The following C2CD3 variants were observed in gnomAD, a reference collection of about 807,000 sequenced individuals.
The protein encoded by C2CD3 is C2 domain containing 3 centriole elongation regulator.
Under a neutral mutation model 234.0 loss-of-function variants are expected in C2CD3, and 148 were observed. The ratio of observed to expected loss-of-function variants is 0.63; its 90% CI spans 0.55 to 0.72. C2CD3 has a LOEUF of 0.72. Ranked by LOEUF, C2CD3 falls within the 30% of genes least tolerant of loss-of-function variation. The probability of loss-of-function intolerance (pLI) is 0.00; values close to 1 mark genes in which losing one functional copy is unlikely to be tolerated. For missense variants in C2CD3, 2,577 were observed against 2,811.5 expected, an observed-to-expected ratio of 0.92 and a Z score of 1.89; for synonymous variants, 1,000 against 1,035.4, an observed-to-expected ratio of 0.97 and a Z score of 0.66.
chr11:74,086,514 T>C (rs1955649279), intron 20 of C2CD3, among the ~76,000 whole-genome samples: 1 of 152,216 alleles, frequency 6.6e-6, no homozygotes, highest in African/African-American at 2.4e-5. Context: ...GATGGAGCTG[T>C]CTTGTTTTTG....
intron 22 of C2CD3, among the ~76,000 whole-genome samples, chr11:74,079,186 T>C (rs1434151521): frequency 2.0e-5 from 3 of 152,216 alleles, no homozygotes; most frequent in African/African-American, 4.8e-5. Flanking sequence ...CCAAGTCTTC[T>C]ATCAAGGGAA....
intron 32 of C2CD3, among the ~76,000 whole-genome samples, chr11:74,026,930 C>A (rs1217971899): frequency 1.4e-5 from 2 of 142,898 alleles, no homozygotes; most frequent in African/African-American, 5.3e-5. Context: ...GAGATCACAC[C>A]ACTACATTCC....
rs1199002239 is a variant in C2CD3, at chr11:74,061,903, G to C, written c.4952-4359C>G. Among the ~76,000 whole-genome samples the C allele has an allele frequency of 2.6e-5, 4 of 152,036 alleles. No individual in the cohort carries two copies. In the East Asian group the frequency reaches 5.8e-4, roughly 22 times the overall value. Reference sequence around the variant, plus strand: ...ATCTCACGTGCAGAGACACATACAGGCTCAAAATAAAGGGATGGAGGAAGA... The same window carrying C: ...ATCTCACGTGCAGAGACACATACAGCCTCAAAATAAAGGGATGGAGGAAGA... On this transcript the variant is annotated intron_variant, in intron 24 of 32. Transcript: ENST00000334126.
chr11:74,111,850 A>T (rs749828910), intron 11 of C2CD3, among the ~76,000 whole-genome samples: 19 of 151,274 alleles, frequency 1.3e-4, no homozygotes, highest in Non-Finnish European at 1.9e-4. Flanking sequence ...GGCCCAAGAC[A>T]ATTCTTCTTC....
chr11:74,037,435 C>G, intron 30 of C2CD3, 43 bp downstream of exon 30: 2 of 1,467,798 alleles, frequency 1.4e-6, no homozygotes, highest in Non-Finnish European at 1.9e-6. Flanking sequence ...GAATTAGCAC[C>G]TAGTGACCAT....
intron 22 of C2CD3, among the ~76,000 whole-genome samples, chr11:74,082,185 C>G (rs1199802993): frequency 1.4e-5 from 2 of 147,904 alleles, no homozygotes; most frequent in Non-Finnish European, 3.0e-5. Flanking sequence ...TGCAGTGGTG[C>G]GATCTCTAAA....
intron 3 of C2CD3, among the ~76,000 whole-genome samples, chr11:74,145,558 T>C (rs1855124944): frequency 6.6e-6 from 1 of 152,222 alleles, no homozygotes; most frequent in Non-Finnish European, 1.5e-5. Flanking sequence ...TTTAGATTAA[T>C]TGTCCCAGTT....
In C2CD3 at chr11:74,085,690, C is replaced by T; in HGVS notation, c.3838G>A (p.Ala1280Thr). 6.2e-7 allele frequency: 1 copy of T among 1,614,066 alleles called. No homozygotes were observed. The highest frequency in any genetic ancestry group is 8.5e-7 in the Non-Finnish European group (1 of 1,180,016). ...NLVTQHCSGEACFLAELLEFA... is the reference protein window; with the variant it reads ...NLVTQHCSGETCFLAELLEFA... ...TCCAACAACTCTGCTAGGAAACAGG[C>T]CTCTCCACTACAGTGCTGAGTCACC... The change falls in exon 21 of 33, where the codon GCC (alanine) becomes ACC (threonine). Residue 1280 changes from alanine (A) to threonine (T), a missense_variant. By Grantham distance (58) the Ala-to-Thr change is moderately conservative. Coordinates refer to ENST00000334126, the MANE Select transcript of C2CD3 (RefSeq NM_001286577.2).
intron 13 of C2CD3, among the ~76,000 whole-genome samples, 165 bp from the exon 14 acceptor site, chr11:74,103,790 A>G (rs761265772): frequency 6.6e-5 from 10 of 152,236 alleles, no homozygotes; most frequent in Non-Finnish European, 5.9e-5. Context: ...AACTTGCTAG[A>G]CTAAGAAAAA....
intron 23 of C2CD3, 114 bp from the exon 24 acceptor site, chr11:74,074,714 C>A: frequency 1.3e-6 from 1 of 772,942 alleles, no homozygotes; most frequent in South Asian, 1.9e-5. Flanking sequence ...TCTACAAACC[C>A]CAATACAGCA....
At chr11:74,155,637 C>T (rs186086313) in intron 3 of C2CD3, among the ~76,000 whole-genome samples, 110 of 152,110 alleles carry the variant, frequency 7.2e-4, no homozygotes, top group African/African-American at 2.5e-3. Flanking sequence ...AAAAGCCAAT[C>T]GCAAAAGGCC....
chr11:74,060,369 G>A (rs1219058913), intron 24 of C2CD3, among the ~76,000 whole-genome samples: 1 of 152,226 alleles, frequency 6.6e-6, no homozygotes, highest in Non-Finnish European at 1.5e-5. Flanking sequence ...ACACCTCCCA[G>A]TAGGGGCTGA....
At chr11:74,013,626 GT>G in intron 32 of C2CD3, 101 bp from the exon 33 acceptor site, 1 of 709,168 alleles carries the variant, frequency 1.4e-6, no homozygotes, top group Non-Finnish European at 2.0e-6. Flanking sequence ...TAATATTTAT[GT>G]AGAGCTGCCT....
At position 74,074,841 on chromosome 11, in the gene C2CD3, C is replaced by T. The variant is rs139541802; in HGVS notation, c.4604-241G>A. Reference sequence around the variant, plus strand: ...GTGGCTCACACCTGTAATCCCAGCACGTTGGGAGACTGAAGTGGGCAAATT... The same window carrying T: ...GTGGCTCACACCTGTAATCCCAGCATGTTGGGAGACTGAAGTGGGCAAATT... On this transcript the variant is annotated intron_variant, in intron 23 of 32. Coordinates refer to ENST00000334126, the MANE Select transcript of C2CD3 (RefSeq NM_001286577.2). Among the ~76,000 whole-genome samples, 5,426 of 152,272 alleles carry T rather than the reference C, an allele frequency of 0.036. 208 individuals are homozygous for T. The highest frequency in any genetic ancestry group is 0.094 in the African/African-American group (3,923 of 41,536).
At chr11:74,144,520 G>T (rs1233284209) in intron 3 of C2CD3, among the ~76,000 whole-genome samples, 3 of 152,026 alleles carry the variant, frequency 2.0e-5, no homozygotes, top group Non-Finnish European at 2.9e-5. Context: ...ATGACGTGGG[G>T]GTCTGGTGTA....
chr11:74,049,440 T>C lies in C2CD3; in HGVS notation c.5258A>G (p.Glu1753Gly). The C allele has an allele frequency of 6.2e-7, 1 of 1,613,850 alleles. No homozygotes were observed. The highest frequency in any genetic ancestry group is 8.5e-7 in the Non-Finnish European group (1 of 1,179,966). ...GWYNITDFSGECQGQIKVAVS... is the reference protein window; with the variant it reads ...GWYNITDFSGGCQGQIKVAVS... ...AGCAACTTTTATCTGCCCCTGGCAC[T>C]CTCCACTGAAGTCTGTGATGTTGTA... is the stretch of plus-strand genomic sequence containing the variant. The change falls in exon 27 of 33, where the codon GAG becomes GGG. Residue 1753 changes from glutamate (E) to glycine (G), a missense_variant. Physicochemically the swap from Glu to Gly is moderately conservative, Grantham distance 98. Coordinates refer to ENST00000334126, the MANE Select transcript of C2CD3 (RefSeq NM_001286577.2).
intron 29 of C2CD3, among the ~76,000 whole-genome samples, chr11:74,040,758 G>GAAAAAC (rs918570051): frequency 1.3e-5 from 2 of 151,746 alleles, no homozygotes; most frequent in Non-Finnish European, 2.9e-5. Flanking sequence ...CCCATCTCAA[G>GAAAAAC]AAAAACAAAA....
intron 20 of C2CD3, among the ~76,000 whole-genome samples, chr11:74,087,543 G>A (rs530247571): frequency 6.0e-5 from 9 of 150,890 alleles, no homozygotes; most frequent in African/African-American, 1.7e-4. Flanking sequence ...TAGCCAGGGC[G>A]ACAAGAGTGA....
intron 27 of C2CD3, among the ~76,000 whole-genome samples, chr11:74,048,623 T>A (rs1336951517): frequency 6.6e-6 from 1 of 152,266 alleles, no homozygotes; most frequent in Non-Finnish European, 1.5e-5. Flanking sequence ...TGTAAATGCC[T>A]GAATGGATAT....
Sources: allele counts gnomAD v4.1 joint callset (sites outside exome capture counted in the v4.1 genomes callset), GRCh38; gene constraint gnomAD v4.1.1; transcripts MANE v1.5; gene names NCBI Gene and HGNC (gene_info 2026-07-23, HGNC 2026-07-21).